TNKS2: variants seen among roughly 807,000 people sequenced by gnomAD.
TNKS2 encodes tankyrase 2, also known as poly [ADP-ribose] polymerase tankyrase-2.
TNKS2 carries 72 observed loss-of-function variants against 137.6 expected under a neutral mutation model. The ratio of observed to expected loss-of-function variants is 0.52; its 90% CI spans 0.43 to 0.64. The LOEUF (loss-of-function observed/expected upper bound fraction) is 0.64, where lower values mean the gene tolerates loss of function less well. TNKS2 is among the 30% of genes least tolerant of loss of function. The pLI is 0.00. For missense variants in TNKS2, 1,049 were observed against 1,410.2 expected (o/e 0.74, Z 4.10); for synonymous variants, 516 against 512.1 (o/e 1.01, Z -0.10).
chr10:91,832,655 C>T (rs915785669), intron 11 of TNKS2, among the ~76,000 whole-genome samples: 4 of 151,952 alleles, frequency 2.6e-5, no homozygotes, highest in Non-Finnish European at 5.9e-5. Flanking sequence ...ACATATTATC[C>T]GATTCCATGA....
At chr10:91,801,639 A>C (rs1011481962) in intron 1 of TNKS2, among the ~76,000 whole-genome samples, 6 of 151,368 alleles carry the variant, frequency 4.0e-5, no homozygotes, top group Admixed American at 3.3e-4. Context: ...ACGCCCGGCA[A>C]ATTTTTGTAT....
intron 18 of TNKS2, among the ~76,000 whole-genome samples, chr10:91,847,903 G>T (rs539919146): frequency 2.1e-4 from 32 of 152,216 alleles, no homozygotes; most frequent in Middle Eastern, 3.4e-3. Context: ...CAGAATTAGG[G>T]TTTTGTTCAT....
chr10:91,836,543 C>G, intron 12 of TNKS2: 1 of 742,038 alleles, frequency 1.3e-6, no homozygotes, highest in African/African-American at 1.9e-5. Flanking sequence ...GTTCAGATAG[C>G]TAATTAATGA....
intron 24 of TNKS2, among the ~76,000 whole-genome samples, 155 bp from the exon 25 acceptor site, chr10:91,859,307 A>G (rs1842793181): frequency 6.6e-6 from 1 of 152,270 alleles, no homozygotes; most frequent in Non-Finnish European, 1.5e-5. Context: ...TTATTCTAAA[A>G]TAGCTGGCTG....
At chr10:91,848,270 A>AT (rs769958722) in intron 18 of TNKS2, 113 bp from the exon 19 acceptor site, 44 of 1,155,542 alleles carry the variant, frequency 3.8e-5, no homozygotes, top group Non-Finnish European at 5.0e-5. Flanking sequence ...CTCCATTGTG[A>AT]TAGTACTGGC....
chr10:91,862,995 GATAA>G lies in TNKS2; in HGVS notation c.3501_*3del. 1 of 1,600,048 alleles carries G rather than the reference GATAA, an allele frequency of 6.2e-7. No individual in the cohort carries two copies. Among genetic ancestry groups the G allele is most frequent in the Non-Finnish European group, 8.6e-7 (1 of 1,169,432 alleles). ...ATGAGGCCTGAAGGTATGGTCGATG[GATAA>G]ATAGTTATTTTAAGAAACTAATTCC... On this transcript the variant is annotated frameshift_variant and stop_lost, in exon 27 of 27. Transcript: ENST00000371627. LOFTEE classifies it high-confidence loss of function.
Position 91,837,717 on chromosome 10 carries a change from G to C in TNKS2, c.1527+719G>C, listed in dbSNP as rs1464575734. ...TCTACTAAAGACACAAAAATTAGCT[G>C]GGCGTAGTGGGATGCACCTGTAATC... is the stretch of plus-strand genomic sequence containing the variant. On this transcript the variant is annotated intron_variant, in intron 13 of 26. Coordinates refer to ENST00000371627, the MANE Select transcript of TNKS2 (RefSeq NM_025235.4). 3.9e-5 allele frequency among the ~76,000 whole-genome samples: 6 copies of C among 152,196 alleles called. No individual in the cohort carries two copies. The East Asian group carries it at 1.2e-3, about 29-fold the overall frequency.
At chr10:91,840,414 A>C (rs1329495881) in intron 13 of TNKS2, 147 bp from the exon 14 acceptor site, 3 of 667,906 alleles carry the variant, frequency 4.5e-6, no homozygotes, top group Non-Finnish European at 7.3e-6. Flanking sequence ...ACAAGGTGAA[A>C]TAAGAATACT....
intron 13 of TNKS2, among the ~76,000 whole-genome samples, chr10:91,839,273 CCAA>C (rs1842135213): frequency 6.6e-6 from 1 of 152,216 alleles, no homozygotes; most frequent in South Asian, 2.1e-4. Flanking sequence ...CTCCTCTGAA[CCAA>C]AGAGCACAGA....
At chr10:91,818,579 T>C (rs1844785406) in intron 3 of TNKS2, among the ~76,000 whole-genome samples, 1 of 152,168 alleles carries the variant, frequency 6.6e-6, no homozygotes, top group African/African-American at 2.4e-5. Context: ...TCGCCCAGGC[T>C]GGAGTGCAGT....
intron 9 of TNKS2, 140 bp from the exon 10 acceptor site, chr10:91,830,783 C>A: frequency 1.4e-6 from 1 of 717,728 alleles, no homozygotes; most frequent in Non-Finnish European, 2.2e-6. Flanking sequence ...GTAATTCAAT[C>A]AAAAGTCAAG....
Position 91,857,527 on chromosome 10 carries a change from C to T in TNKS2, c.3091C>T (p.His1031Tyr). The change falls in exon 24 of 27, where the codon CAT becomes TAT. Residue 1031 changes from histidine to tyrosine, a missense_variant. Coordinates refer to ENST00000371627, the MANE Select transcript of TNKS2 (RefSeq NM_025235.4). ...HNHANERMLF[H>Y]GSPFVNAIIH... ...CCATGCCAATGAACGAATGCTATTT[C>T]ATGGTAAGATTCCTCCCCACCAACT... The T allele has an allele frequency of 6.2e-7, 1 of 1,606,116 alleles. No individual in the cohort carries two copies. The highest frequency in any genetic ancestry group is 8.5e-7 in the Non-Finnish European group (1 of 1,174,364).
chr10:91,849,700 T>A, intron 20 of TNKS2, 106 bp downstream of exon 20: 1 of 823,230 alleles, frequency 1.2e-6, no homozygotes. Context: ...TGGGGGAGAA[T>A]GTTTTTTAAG....
At chr10:91,853,607 T>C (rs1564629067) in intron 21 of TNKS2, among the ~76,000 whole-genome samples, 1 of 152,238 alleles carries the variant, frequency 6.6e-6, no homozygotes, top group East Asian at 1.9e-4. Context: ...AATAGATGAC[T>C]AGTACCATAC....
At chr10:91,812,781 G>C (rs927706991) in intron 1 of TNKS2, 4 of 985,166 alleles carry the variant, frequency 4.1e-6, no homozygotes. Context: ...AGGTACCACT[G>C]CTGCTTAGTG....
At chr10:91,798,915 C>T (rs1844059890) in intron 1 of TNKS2, 26 bp downstream of exon 1, 7 of 1,369,086 alleles carry the variant, frequency 5.1e-6, no homozygotes, top group African/African-American at 4.5e-5. Flanking sequence ...GTCCCCTCGC[C>T]TCGCTCCAGA....
intron 1 of TNKS2, chr10:91,807,145 C>G: frequency 6.5e-7 from 1 of 1,538,490 alleles, no homozygotes; most frequent in Non-Finnish European, 9.0e-7. Context: ...TATTTACTTC[C>G]TAAGTACACG....
At chr10:91,811,486 T>C (rs927408363) in intron 1 of TNKS2, among the ~76,000 whole-genome samples, 1 of 152,062 alleles carries the variant, frequency 6.6e-6, no homozygotes, top group Admixed American at 6.5e-5. Context: ...ATAGCAATTA[T>C]ATTGTATTGA....
Position 91,831,160 on chromosome 10 carries a change from A to G in TNKS2, c.1254A>G (p.Val418=). ...SEKAHNDVVE[V]VVKHEAKVNA... is the part of the protein sequence containing the mutation. ...AAGCTCATAATGATGTTGTTGAAGT[A>G]GTGGTGAAACATGAAGCAAAGGTAT... is the stretch of plus-strand genomic sequence containing the variant. Residue 418 remains valine (V), a synonymous_variant, in exon 11 of 27, where the codon GTA becomes GTG. Transcript: ENST00000371627. 2 of 1,614,002 alleles carry G rather than the reference A, an allele frequency of 1.2e-6. No individual in the cohort carries two copies. Among genetic ancestry groups the G allele is most frequent in the Non-Finnish European group, 1.7e-6 (2 of 1,179,918 alleles).
Sources: allele counts gnomAD v4.1 joint callset (sites outside exome capture counted in the v4.1 genomes callset), GRCh38; gene constraint gnomAD v4.1.1; transcripts MANE v1.5; gene names NCBI Gene and HGNC (gene_info 2026-07-23, HGNC 2026-07-21).